DSCAM: variants seen among roughly 807,000 people sequenced by gnomAD.
The protein encoded by DSCAM is DS cell adhesion molecule.
A neutral mutation model predicts 217.7 loss-of-function variants in DSCAM; 47 were observed. The observed-to-expected ratio is 0.22, with a 90% confidence interval of 0.17 to 0.28. DSCAM has a LOEUF of 0.28. Among genes scored for constraint, DSCAM ranks in the 10% least tolerant of loss-of-function variants. The pLI is 1.00. For synonymous variants in DSCAM, 1,056 were observed against 1,015.3 expected (o/e 1.04, Z -0.76); for missense variants, 2,080 against 2,618.3 (o/e 0.79, Z 4.49).
At chr21:40,478,294 G>T (rs1213618701) in intron 3 of DSCAM, among the ~76,000 whole-genome samples, 3 of 152,116 alleles carry the variant, frequency 2.0e-5, no homozygotes, top group Non-Finnish European at 4.4e-5. Context: ...GAAAAGTGCT[G>T]CCAAGAACAC....
intron 3 of DSCAM, among the ~76,000 whole-genome samples, chr21:40,639,129 C>T (rs999226605): frequency 1.3e-5 from 2 of 151,240 alleles, no homozygotes; most frequent in African/African-American, 4.9e-5. Flanking sequence ...CCATTTTGGT[C>T]CATTTTGGTC....
At chr21:40,717,867 C>A (rs2090859125) in intron 1 of DSCAM, among the ~76,000 whole-genome samples, 1 of 152,164 alleles carries the variant, frequency 6.6e-6, no homozygotes, top group South Asian at 2.1e-4. Flanking sequence ...AATGAACAAT[C>A]AATTTCCCAA....
rs371466523 is a variant in DSCAM at position 40,290,900 on chromosome 21, A to G, written c.2182+5155T>C. On this transcript the variant is annotated intron_variant, in intron 10 of 32. Transcript: ENST00000400454. ...ACTGGCAATTGCAAAAGTTGGGCAT[A>G]TGGCTGCAGAACAGAACATAGAGGG... is the stretch of plus-strand genomic sequence containing the variant. Among the ~76,000 whole-genome samples the G allele has an allele frequency of 5.8e-4, 89 of 152,362 alleles. No individual in the cohort carries two copies. In the South Asian group the frequency reaches 8.9e-3, roughly 15 times the overall value.
intron 1 of DSCAM, among the ~76,000 whole-genome samples, chr21:40,828,336 G>A (rs1230876579): frequency 6.6e-6 from 1 of 152,212 alleles, no homozygotes; most frequent in Non-Finnish European, 1.5e-5. Context: ...GCTTTCAACA[G>A]GAGCAAGGCC....
In DSCAM at chr21:40,708,741, T is replaced by C; in HGVS notation, c.74A>G (p.Tyr25Cys). The part of the protein sequence containing the change: ...VFSEDLHSSL[Y>C]FVNASLQEVV... ...CTCTTGCAGAGATGCATTGACAAAG[T>C]AGAGGCTGGAGTGTAGGTCTTCACT... is the stretch of plus-strand genomic sequence containing the variant. The change falls in exon 2 of 33, where the codon TAC becomes TGC. Residue 25 changes from tyrosine to cysteine, a missense_variant. Around this residue, in one of 5 missense-constraint regions of DSCAM, gnomAD observed 568 missense variants for 678.1 expected, o/e 0.84. Transcript: ENST00000400454. 1 of 1,599,484 alleles carries C rather than the reference T, an allele frequency of 6.3e-7. No homozygotes were observed. Among genetic ancestry groups the C allele is most frequent in the Non-Finnish European group, 8.5e-7 (1 of 1,171,814 alleles).
rs1210585354 is a variant in DSCAM, at chr21:40,142,136, C to T, written c.3406+422G>A. On this transcript the variant is annotated intron_variant, in intron 18 of 32. Coordinates refer to ENST00000400454, the MANE Select transcript of DSCAM (RefSeq NM_001389.5). ...CCTCCATGTGCCTGGGCACTCTTCC[C>T]ACACCCACTTACAGCACAACTACAG... 2.0e-5 allele frequency among the ~76,000 whole-genome samples: 3 copies of T among 152,182 alleles called. 1 individual carries two copies. Among genetic ancestry groups the T allele is most frequent in the African/African-American group, 7.2e-5 (3 of 41,434 alleles).
At chr21:40,191,799 G>A (rs901435708) in intron 11 of DSCAM, among the ~76,000 whole-genome samples, 3 of 152,080 alleles carry the variant, frequency 2.0e-5, no homozygotes, top group Non-Finnish European at 2.9e-5. Context: ...GCATTCCTTG[G>A]CTTGTGGCGG....
At chr21:40,489,540 C>T (rs1374687418) in intron 3 of DSCAM, among the ~76,000 whole-genome samples, 4 of 151,942 alleles carry the variant, frequency 2.6e-5, no homozygotes, top group South Asian at 4.2e-4. Context: ...TTTGGGAGGC[C>T]GAGGCGGGCG....
chr21:40,551,705 T>C (rs8134363), intron 3 of DSCAM, among the ~76,000 whole-genome samples: 85,960 of 152,054 alleles, frequency 0.57, 24,642 homozygotes, highest in South Asian at 0.62. Flanking sequence ...CTTTATCTGT[T>C]ATGTGATATT....
rs139512070 is a variant in DSCAM at position 40,760,097 on chromosome 21, A to C, written c.44-51326T>G. ...CAACCTCCACCCCCCAGGTTCAAGCAACTCTTCAGCCTCAGCCTCCCGAGT... is the reference window on the plus strand; with the variant it reads ...CAACCTCCACCCCCCAGGTTCAAGCCACTCTTCAGCCTCAGCCTCCCGAGT... On this transcript the variant is annotated intron_variant, in intron 1 of 32. Transcript: ENST00000400454. 5.7e-4 allele frequency among the ~76,000 whole-genome samples: 86 copies of C among 152,040 alleles called. No individual in the cohort carries two copies. In the East Asian group the frequency reaches 0.014, roughly 25 times the overall value.
intron 3 of DSCAM, among the ~76,000 whole-genome samples, chr21:40,578,914 G>C (rs1036767785): frequency 6.6e-6 from 1 of 152,188 alleles, no homozygotes; most frequent in African/African-American, 2.4e-5. Flanking sequence ...AAGTGACATG[G>C]AAGAGTTCCA....
At chr21:40,426,875 C>T (rs1039246989) in intron 3 of DSCAM, among the ~76,000 whole-genome samples, 1 of 152,126 alleles carries the variant, frequency 6.6e-6, no homozygotes, top group Admixed American at 6.5e-5. Context: ...TCTTGGCTCA[C>T]ATTTGCTCTT....
chr21:40,330,398 T>C (rs2074365496), intron 8 of DSCAM, among the ~76,000 whole-genome samples: 1 of 109,586 alleles, frequency 9.1e-6, no homozygotes, highest in Admixed American at 1.1e-4. Flanking sequence ...AATAAATATA[T>C]ATTATACATA....
intron 1 of DSCAM, among the ~76,000 whole-genome samples, chr21:40,808,773 GC>G (rs1239087247): frequency 6.6e-6 from 1 of 152,030 alleles, no homozygotes; most frequent in Non-Finnish European, 1.5e-5. Context: ...CCATGCCCAG[GC>G]CCATTCTCAT....
At chr21:40,152,364 G>C (rs891043734) in intron 16 of DSCAM, among the ~76,000 whole-genome samples, 19 of 152,316 alleles carry the variant, frequency 1.2e-4, no homozygotes, top group African/African-American at 4.6e-4. Flanking sequence ...CCTGCTCCTT[G>C]TTAGGTTTCT....
At chr21:40,828,073 C>T (rs1207660968) in intron 1 of DSCAM, among the ~76,000 whole-genome samples, 1 of 151,972 alleles carries the variant, frequency 6.6e-6, no homozygotes, top group African/African-American at 2.4e-5. Context: ...TGTTGATATG[C>T]TGAGCTGGAA....
Position 40,519,564 on chromosome 21 carries a change from C to T in DSCAM, c.509-150319G>A, listed in dbSNP as rs1357818894. ...CCAGGGAGTGGGTCCTCAACAGATA[C>T]TGGATGTGCTGGTGCCTTATTCTTG... is the stretch of plus-strand genomic sequence containing the variant. On this transcript the variant is annotated intron_variant, in intron 3 of 32. Transcript: ENST00000400454. Among the ~76,000 whole-genome samples the T allele has an allele frequency of 3.3e-5, 5 of 152,098 alleles. No individual in the cohort carries two copies. The East Asian group carries it at 7.7e-4, about 23-fold the overall frequency.
chr21:40,497,273 T>C (rs1013351172), intron 3 of DSCAM, among the ~76,000 whole-genome samples: 2 of 152,204 alleles, frequency 1.3e-5, no homozygotes, highest in Admixed American at 1.3e-4. Flanking sequence ...AAAGAAAATT[T>C]ACACAAGTAA....
At chr21:40,051,891 GAA>G in intron 30 of DSCAM, 65 bp downstream of exon 30, 1 of 1,528,276 alleles carries the variant, frequency 6.5e-7, no homozygotes, top group Admixed American at 2.1e-5. Flanking sequence ...ATTTGAGAGA[GAA>G]AGAACATTAC....
Sources: gnomAD v4.1 joint callset for allele counts (sites outside exome capture counted in the v4.1 genomes callset) on GRCh38, gnomAD v4.1.1 for gene constraint, gnomAD v4.1.1 regional missense constraint, MANE v1.5 for transcripts, NCBI Gene and HGNC (gene_info 2026-07-23, HGNC 2026-07-21) for gene names.